The following RFPL1 variants were observed in gnomAD, a reference collection of about 807,000 sequenced individuals.
RFPL1 encodes the protein ret finger protein like 1.
Under a neutral mutation model 9.6 loss-of-function variants are expected in RFPL1, and 6 were observed. The observed-to-expected ratio is 0.62, with a 90% CI of 0.34 to 1.23. The LOEUF (loss-of-function observed/expected upper bound fraction) is 1.23, where lower values mean the gene tolerates loss of function less well. RFPL1 is among the 50% of genes most tolerant of loss of function. The probability of loss-of-function intolerance (pLI) is 0.03; values close to 1 mark genes in which losing one functional copy is unlikely to be tolerated. For synonymous variants in RFPL1, 145 were observed against 149.4 expected, an observed-to-expected ratio of 0.97 and a Z score of 0.22; for missense variants, 352 against 398.4, an observed-to-expected ratio of 0.88 and a Z score of 0.99.
chr22:29,410,011 C>T, the RFPL1 span, among the ~76,000 whole-genome samples: 1 of 151,754 alleles, frequency 6.6e-6, no homozygotes, highest in African/African-American at 2.4e-5. Context: ...TCCATGAAAA[C>T]CCATTGCCTT....
the RFPL1 span, among the ~76,000 whole-genome samples, chr22:29,397,065 G>A: frequency 2.6e-5 from 4 of 151,440 alleles, no homozygotes; most frequent in Non-Finnish European, 4.4e-5. Context: ...CTGCCACCGC[G>A]CCCGGCTAAT....
the RFPL1 span, among the ~76,000 whole-genome samples, chr22:29,399,573 C>T: frequency 6.6e-6 from 1 of 152,334 alleles, no homozygotes; most frequent in South Asian, 2.1e-4. Flanking sequence ...GGTCTTTTCC[C>T]CTTCCACTGT....
chr22:29,412,204 G>T, the RFPL1 span, among the ~76,000 whole-genome samples: 7 of 152,260 alleles, frequency 4.6e-5, no homozygotes, highest in South Asian at 1.5e-3. Context: ...TCAGGGTCAG[G>T]CCAGACACAG....
the RFPL1 span, among the ~76,000 whole-genome samples, chr22:29,416,306 G>A: frequency 6.6e-6 from 1 of 151,862 alleles, no homozygotes; most frequent in East Asian, 1.9e-4. Context: ...CTGAGCAAAT[G>A]CCCACCGGAG....
chr22:29,426,384 T>G, the RFPL1 span, among the ~76,000 whole-genome samples: 33 of 152,238 alleles, frequency 2.2e-4, no homozygotes, highest in African/African-American at 7.7e-4. Context: ...TTGTCCATAT[T>G]TTTAGAGACA....
At chr22:29,402,776 C>T in the RFPL1 span, among the ~76,000 whole-genome samples, 5 of 144,638 alleles carry the variant, frequency 3.5e-5, no homozygotes, top group Admixed American at 6.8e-5. Flanking sequence ...GTTCATTGCC[C>T]GGGGTGACTT....
chr22:29,427,670 G>A, the RFPL1 span, among the ~76,000 whole-genome samples: 2 of 152,284 alleles, frequency 1.3e-5, no homozygotes, highest in Middle Eastern at 6.8e-3. Context: ...CCTAAAGACT[G>A]AGGGCCCATC....
chr22:29,410,626 GA>G, the RFPL1 span, among the ~76,000 whole-genome samples: 1 of 130,432 alleles, frequency 7.7e-6, no homozygotes, highest in African/African-American at 3.0e-5. Context: ...TCTATATATA[GA>G]TAGATATATT....
chr22:29,399,029 G>A, the RFPL1 span, among the ~76,000 whole-genome samples: 1 of 152,186 alleles, frequency 6.6e-6, no homozygotes, highest in East Asian at 1.9e-4. Flanking sequence ...CTTACAAAGT[G>A]TGTGTCACGT....
the RFPL1 span, among the ~76,000 whole-genome samples, chr22:29,410,415 A>ATATATATATATG: frequency 1.2e-5 from 1 of 83,722 alleles, no homozygotes; most frequent in African/African-American, 4.9e-5. Flanking sequence ...ATCTATATAT[A>ATATATATATATG]TAGATATATA....
the RFPL1 span, among the ~76,000 whole-genome samples, chr22:29,406,233 G>T: frequency 7.0e-6 from 1 of 143,102 alleles, no homozygotes; most frequent in African/African-American, 2.6e-5. Context: ...ACCCTCCCCT[G>T]CCCGGGAGCC....
the RFPL1 span, among the ~76,000 whole-genome samples, chr22:29,408,267 G>C: frequency 6.6e-6 from 1 of 152,180 alleles, no homozygotes; most frequent in Non-Finnish European, 1.5e-5. Context: ...GTATTAAACT[G>C]TTCTTAAGGT....
At chr22:29,425,644 A>G in the RFPL1 span, among the ~76,000 whole-genome samples, 1 of 152,244 alleles carries the variant, frequency 6.6e-6, no homozygotes, top group South Asian at 2.1e-4. Context: ...GAAGCATTTG[A>G]TGGGAAACAT....
chr22:29,420,440 C>T, the RFPL1 span, among the ~76,000 whole-genome samples: 8 of 152,186 alleles, frequency 5.3e-5, no homozygotes, highest in Non-Finnish European at 8.8e-5. Context: ...CAGCAATTCT[C>T]CTGCCTCAGC....
the RFPL1 span, among the ~76,000 whole-genome samples, chr22:29,401,115 C>T: frequency 1.3e-5 from 2 of 152,198 alleles, no homozygotes; most frequent in Non-Finnish European, 2.9e-5. Context: ...AAAGCAGTCA[C>T]GGTCATACCC....
At chr22:29,418,079 C>T in the RFPL1 span, among the ~76,000 whole-genome samples, 2 of 151,852 alleles carry the variant, frequency 1.3e-5, no homozygotes, top group Admixed American at 6.6e-5. Flanking sequence ...TACATGTGCC[C>T]GCCACCATAC....
chr22:29,390,343 G>A, the RFPL1 span, among the ~76,000 whole-genome samples: 1 of 151,908 alleles, frequency 6.6e-6, no homozygotes, highest in Non-Finnish European at 1.5e-5. Flanking sequence ...AGATATTACT[G>A]GTTTTTATAT....
At chr22:29,389,444 T>C in the RFPL1 span, among the ~76,000 whole-genome samples, 13 of 148,934 alleles carry the variant, frequency 8.7e-5, no homozygotes, top group South Asian at 2.9e-3. Flanking sequence ...CCCAGCACTT[T>C]GGGAGGCCGA....
chr22:29,395,150 G>A, the RFPL1 span, among the ~76,000 whole-genome samples: 1 of 152,108 alleles, frequency 6.6e-6, no homozygotes, highest in Non-Finnish European at 1.5e-5. Context: ...CCACTAGAGT[G>A]CGCACAGGTG....
Sources: gnomAD v4.1 joint callset for allele counts (sites outside exome capture counted in the v4.1 genomes callset) on GRCh38, gnomAD v4.1.1 for gene constraint, MANE v1.5 for transcripts, NCBI Gene and HGNC (gene_info 2026-07-23, HGNC 2026-07-21) for gene names.